Variants in TMEM177 observed in about 807,000 individuals in gnomAD.
TMEM177 encodes the protein transmembrane protein 177.
Under a neutral mutation model 14.2 loss-of-function variants are expected in TMEM177, and 4 were observed. The ratio of observed to expected loss-of-function variants is 0.28; its 90% CI spans 0.14 to 0.64. TMEM177 has a LOEUF of 0.64. Ranked by LOEUF, TMEM177 falls within the 30% of genes least tolerant of loss-of-function variation. The probability of loss-of-function intolerance (pLI) is 0.82; values close to 1 mark genes in which losing one functional copy is unlikely to be tolerated. For synonymous variants in TMEM177, 179 were observed against 174.5 expected (o/e 1.03, Z -0.20); for missense variants, 344 against 405.2 (o/e 0.85, Z 1.30).
chr2:119,685,900 A>T (rs996001930), downstream of TMEM177: 41 of 582,118 alleles, frequency 7.0e-5, no homozygotes, highest in African/African-American at 6.2e-4. Context: ...ATTAGGAAAA[A>T]ATAGTCACTG....
chr2:119,696,521 C>T, the TMEM177 span, among the ~76,000 whole-genome samples: 8 of 152,268 alleles, frequency 5.3e-5, no homozygotes, highest in East Asian at 1.2e-3. Flanking sequence ...GATAAAAATG[C>T]CTGCTCTTAT....
the TMEM177 span, among the ~76,000 whole-genome samples, chr2:119,695,883 G>A: frequency 1.3e-5 from 2 of 152,216 alleles, no homozygotes; most frequent in Non-Finnish European, 2.9e-5. Context: ...CCCCCATCCA[G>A]CTGTGTGGCC....
chr2:119,696,003 T>C, the TMEM177 span, among the ~76,000 whole-genome samples: 1 of 152,116 alleles, frequency 6.6e-6, no homozygotes, highest in Non-Finnish European at 1.5e-5. Flanking sequence ...CAACAAAAGG[T>C]GTGCAGCTGC....
At chr2:119,722,225 A>T in the TMEM177 span, among the ~76,000 whole-genome samples, 1 of 152,144 alleles carries the variant, frequency 6.6e-6, no homozygotes, top group African/African-American at 2.4e-5. Flanking sequence ...ACAAAAAGTT[A>T]GAAAAAATAA....
chr2:119,689,438 C>A (rs1175213321), downstream of TMEM177, among the ~76,000 whole-genome samples: 2 of 152,220 alleles, frequency 1.3e-5, no homozygotes, highest in African/African-American at 4.8e-5. Context: ...AGAGGTGACC[C>A]TGTTGCTGAA....
chr2:119,711,155 T>C, the TMEM177 span, among the ~76,000 whole-genome samples: 1 of 152,144 alleles, frequency 6.6e-6, no homozygotes, highest in Non-Finnish European at 1.5e-5. Flanking sequence ...GCGCAGGCAG[T>C]GGATATGATA....
the TMEM177 span, among the ~76,000 whole-genome samples, chr2:119,716,231 G>A: frequency 6.6e-6 from 1 of 152,168 alleles, no homozygotes; most frequent in Admixed American, 6.5e-5. Flanking sequence ...GGAGACTAGT[G>A]TGTCCCACCA....
downstream of TMEM177, among the ~76,000 whole-genome samples, chr2:119,691,132 C>G (rs957641223): frequency 6.6e-6 from 1 of 152,116 alleles, no homozygotes; most frequent in African/African-American, 2.4e-5. Context: ...GTGCCCTTGC[C>G]GGGGGGCAAA....
chr2:119,701,174 C>G, the TMEM177 span, among the ~76,000 whole-genome samples: 2 of 152,112 alleles, frequency 1.3e-5, no homozygotes, highest in Non-Finnish European at 2.9e-5. Context: ...TGTCCTTTGC[C>G]CCAGGGAAGA....
chr2:119,704,321 C>G, the TMEM177 span, among the ~76,000 whole-genome samples: 4 of 152,128 alleles, frequency 2.6e-5, no homozygotes, highest in Non-Finnish European at 4.4e-5. Flanking sequence ...ACTTCTGGGC[C>G]AGGCATGTTG....
chr2:119,687,330 A>G (rs1383154265), downstream of TMEM177, among the ~76,000 whole-genome samples: 2 of 152,200 alleles, frequency 1.3e-5, no homozygotes, highest in Non-Finnish European at 2.9e-5. Context: ...AAGCTTTCAG[A>G]TGAGACTGCA....
At chr2:119,712,424 G>C in the TMEM177 span, among the ~76,000 whole-genome samples, 2 of 152,112 alleles carry the variant, frequency 1.3e-5, no homozygotes, top group Non-Finnish European at 2.9e-5. Flanking sequence ...CTTTAAGGAT[G>C]ATTAAGTTAA....
the TMEM177 span, among the ~76,000 whole-genome samples, chr2:119,693,408 G>T: frequency 6.6e-6 from 1 of 152,168 alleles, no homozygotes; most frequent in African/African-American, 2.4e-5. Context: ...CTAAAGATCG[G>T]TCTCTCCTAA....
At chr2:119,683,491 T>A (rs1688952618), downstream of TMEM177, among the ~76,000 whole-genome samples, 1 of 152,166 alleles carries the variant, frequency 6.6e-6, no homozygotes, top group Non-Finnish European at 1.5e-5. Flanking sequence ...GTCTGGGGCC[T>A]GGATTTGATG....
chr2:119,690,362 C>T (rs1689075887), downstream of TMEM177, among the ~76,000 whole-genome samples: 1 of 152,214 alleles, frequency 6.6e-6, no homozygotes, highest in South Asian at 2.1e-4. Context: ...GCTTCCTGTA[C>T]AGCCTGTGGA....
chr2:119,712,262 C>T, the TMEM177 span, among the ~76,000 whole-genome samples: 2 of 152,036 alleles, frequency 1.3e-5, no homozygotes, highest in African/African-American at 2.4e-5. Context: ...TGCCGCGTGG[C>T]TCTGCGGTGC....
At chr2:119,721,413 G>C in the TMEM177 span, among the ~76,000 whole-genome samples, 1 of 152,218 alleles carries the variant, frequency 6.6e-6, no homozygotes, top group African/African-American at 2.4e-5. Flanking sequence ...AAGCTCTTAG[G>C]TCTTGTCCTA....
At chr2:119,697,137 A>T in the TMEM177 span, among the ~76,000 whole-genome samples, 4 of 152,196 alleles carry the variant, frequency 2.6e-5, no homozygotes, top group African/African-American at 9.7e-5. Context: ...TGCTGGTCAC[A>T]CTCAACTTGC....
At chr2:119,694,161 G>A in the TMEM177 span, among the ~76,000 whole-genome samples, 4 of 50,374 alleles carry the variant, frequency 7.9e-5, no homozygotes, top group African/African-American at 1.5e-4. Flanking sequence ...CACATGCAAC[G>A]TGCCACACAA....
Sources: allele counts gnomAD v4.1 joint callset (sites outside exome capture counted in the v4.1 genomes callset), GRCh38; gene constraint gnomAD v4.1.1; transcripts MANE v1.5; gene names NCBI Gene and HGNC (gene_info 2026-07-23, HGNC 2026-07-21).